The following ADAMTS3 variants were observed in gnomAD, a reference collection of about 807,000 sequenced individuals.
The protein encoded by ADAMTS3 is ADAM metallopeptidase with thrombospondin type 1 motif 3.
Under a neutral mutation model 129.0 loss-of-function variants are expected in ADAMTS3, and 73 were observed. The observed-to-expected ratio is 0.57, with a 90% CI of 0.47 to 0.69. The LOEUF is 0.69. ADAMTS3 is among the 30% of genes least tolerant of loss of function. The pLI, the probability that ADAMTS3 is intolerant of heterozygous loss-of-function variation, is 0.00. For missense variants in ADAMTS3, 1,457 were observed against 1,514.5 expected, an observed-to-expected ratio of 0.96 and a Z score of 0.63; for synonymous variants, 477 against 510.8, an observed-to-expected ratio of 0.93 and a Z score of 0.89.
At chr4:72,526,729 CATACATATATATATATATATAT>C (rs1463494104) in intron 3 of ADAMTS3, among the ~76,000 whole-genome samples, 1 of 42,412 alleles carries the variant, frequency 2.4e-5, no homozygotes, top group African/African-American at 1.0e-4. Context: ...AAAATATATA[CATACATATATATATATATATAT>C]ATATATATAT....
intron 3 of ADAMTS3, among the ~76,000 whole-genome samples, chr4:72,495,480 C>T (rs1451305795): frequency 6.6e-6 from 1 of 152,036 alleles, no homozygotes; most frequent in Non-Finnish European, 1.5e-5. Context: ...ATTTTATATA[C>T]TATTAGCTAT....
chr4:72,422,476 T>C (rs988813514), intron 3 of ADAMTS3, among the ~76,000 whole-genome samples: 1 of 152,172 alleles, frequency 6.6e-6, no homozygotes, highest in East Asian at 1.9e-4. Context: ...AAGCACATTA[T>C]GTTAAACATA....
chr4:72,370,544 C>G (rs779299929), intron 4 of ADAMTS3, among the ~76,000 whole-genome samples: 31 of 152,030 alleles, frequency 2.0e-4, no homozygotes, highest in Non-Finnish European at 4.3e-4. Context: ...CCGTACAGAA[C>G]AGAGACCAGC....
At chr4:72,365,006 T>C (rs1720834108) in intron 4 of ADAMTS3, among the ~76,000 whole-genome samples, 1 of 152,246 alleles carries the variant, frequency 6.6e-6, no homozygotes, top group Admixed American at 6.5e-5. Context: ...TATTGAGGAC[T>C]TGACCATGTT....
chr4:72,544,283 C>A (rs1050082977), intron 3 of ADAMTS3, among the ~76,000 whole-genome samples: 4 of 151,788 alleles, frequency 2.6e-5, no homozygotes, highest in Admixed American at 6.6e-5. Flanking sequence ...CCCTTTTTTT[C>A]TTTGCAATTT....
At chr4:72,522,892 G>T (rs993386465) in intron 3 of ADAMTS3, among the ~76,000 whole-genome samples, 1 of 152,076 alleles carries the variant, frequency 6.6e-6, no homozygotes, top group African/African-American at 2.4e-5. Context: ...ACCAAAGTGA[G>T]CTAGTTTCTT....
intron 3 of ADAMTS3, among the ~76,000 whole-genome samples, chr4:72,415,600 ATT>A (rs1722283787): frequency 6.6e-6 from 1 of 151,806 alleles, no homozygotes; most frequent in Non-Finnish European, 1.5e-5. Context: ...TAACTTTAAT[ATT>A]ATATATATAT....
intron 3 of ADAMTS3, among the ~76,000 whole-genome samples, chr4:72,492,932 T>C (rs1719784166): frequency 6.6e-6 from 1 of 151,968 alleles, no homozygotes; most frequent in African/African-American, 2.4e-5. Context: ...TACTTATAAC[T>C]GTTATAACTT....
chr4:72,472,286 G>T (rs374747579), intron 3 of ADAMTS3, among the ~76,000 whole-genome samples: 2 of 152,032 alleles, frequency 1.3e-5, no homozygotes, highest in Non-Finnish European at 2.9e-5. Context: ...ACTACATACT[G>T]ATCATTTTTC....
intron 3 of ADAMTS3, among the ~76,000 whole-genome samples, chr4:72,448,824 T>C (rs1178930337): frequency 6.6e-6 from 1 of 151,768 alleles, no homozygotes; most frequent in East Asian, 2.0e-4. Context: ...TGCATTGGTG[T>C]TTAATTAATA....
chr4:72,477,107 C>T (rs564730769), intron 3 of ADAMTS3, among the ~76,000 whole-genome samples: 2 of 151,902 alleles, frequency 1.3e-5, no homozygotes, highest in Non-Finnish European at 2.9e-5. Context: ...AGACTTTCAC[C>T]CTGAAATTGG....
intron 3 of ADAMTS3, among the ~76,000 whole-genome samples, chr4:72,453,220 T>C (rs902758669): frequency 6.6e-6 from 1 of 151,834 alleles, no homozygotes; most frequent in African/African-American, 2.4e-5. Flanking sequence ...CTGCATTTCT[T>C]AGAGGTTCCT....
chr4:72,337,805 A>T (rs1720027948), intron 5 of ADAMTS3, among the ~76,000 whole-genome samples: 1 of 151,980 alleles, frequency 6.6e-6, no homozygotes. Context: ...TTTCCTTCTA[A>T]TTTTCCCATG....
chr4:72,350,882 A>AG (rs1460447264), intron 4 of ADAMTS3, among the ~76,000 whole-genome samples: 2 of 151,822 alleles, frequency 1.3e-5, no homozygotes, highest in Non-Finnish European at 2.9e-5. Context: ...TGAATACCAG[A>AG]GGGGGACCTC....
chr4:72,315,954 T>C lies in ADAMTS3; in HGVS notation c.1503A>G (p.Pro501=), dbSNP rs1378249504. The change falls in exon 11 of 22, where the codon CCA becomes CCG. Residue 501 remains proline (P), a synonymous_variant. Transcript: ENST00000286657. ...KMCTAFRTFD[P]CKQLWCSHPD... is the part of the protein sequence containing the mutation. ...GATGGCTACACCACAGCTGTTTACA[T>C]GGGTCAAAGGTTCGGAACTGGAAGA... The C allele has an allele frequency of 6.2e-7, 1 of 1,612,272 alleles. No homozygotes were observed. Among genetic ancestry groups the C allele is most frequent in the East Asian group, 2.2e-5 (1 of 44,802 alleles).
intron 4 of ADAMTS3, among the ~76,000 whole-genome samples, chr4:72,355,608 G>C (rs1186818125): frequency 6.6e-6 from 1 of 151,978 alleles, no homozygotes; most frequent in Non-Finnish European, 1.5e-5. Context: ...TGACATCATA[G>C]TATTCATCCC....
chr4:72,407,958 T>A (rs1237513029), intron 4 of ADAMTS3, among the ~76,000 whole-genome samples: 2 of 152,102 alleles, frequency 1.3e-5, no homozygotes, highest in African/African-American at 4.8e-5. Context: ...CAGTATATAG[T>A]CCCAAATTCA....
intron 3 of ADAMTS3, among the ~76,000 whole-genome samples, chr4:72,432,337 G>A (rs1276289111): frequency 6.6e-6 from 1 of 151,830 alleles, no homozygotes. Context: ...CCACACTATG[G>A]TGTTCACAGT....
intron 2 of ADAMTS3, among the ~76,000 whole-genome samples, chr4:72,556,704 T>G (rs1161965408): frequency 6.6e-6 from 1 of 151,646 alleles, no homozygotes; most frequent in Non-Finnish European, 1.5e-5. Flanking sequence ...ACAAGCAAAT[T>G]CTGAAAATTA....
Sources: allele counts gnomAD v4.1 joint callset (sites outside exome capture counted in the v4.1 genomes callset), GRCh38; gene constraint gnomAD v4.1.1; transcripts MANE v1.5; gene names NCBI Gene and HGNC (gene_info 2026-07-23, HGNC 2026-07-21).